FLT1: variants seen among roughly 807,000 people sequenced by gnomAD.
FLT1 encodes fms related receptor tyrosine kinase 1.
Under a neutral mutation model 156.3 loss-of-function variants are expected in FLT1, and 49 were observed. The observed-to-expected ratio is 0.31, with a 90% CI of 0.25 to 0.40. The LOEUF (loss-of-function observed/expected upper bound fraction) is 0.40, where lower values mean the gene tolerates loss of function less well. FLT1 is among the 10% of genes least tolerant of loss of function. The probability of loss-of-function intolerance (pLI) is 1.00; values close to 1 mark genes in which losing one functional copy is unlikely to be tolerated. For missense variants in FLT1, 1,322 were observed against 1,637.2 expected (o/e 0.81, Z 3.32); for synonymous variants, 594 against 583.8 (o/e 1.02, Z -0.25).
Position 28,312,693 on chromosome 13 carries a change from C to T in FLT1, c.3387-595G>A, listed in dbSNP as rs530931584. Among the ~76,000 whole-genome samples the T allele has an allele frequency of 7.2e-4, 110 of 152,230 alleles. 2 individuals are homozygous for T. The Middle Eastern group carries it at 0.034, about 47-fold the overall frequency. On this transcript the variant is annotated intron_variant, in intron 25 of 29. Coordinates refer to ENST00000282397, the MANE Select transcript of FLT1 (RefSeq NM_002019.4). ...GTGGAGACTGGTGGGGAAGGTCCTGCGTACATGACTTTGTCACTTCCAGAA... is the reference window on the plus strand; with the variant it reads ...GTGGAGACTGGTGGGGAAGGTCCTGTGTACATGACTTTGTCACTTCCAGAA...
In FLT1 at chr13:28,495,026, C is replaced by T. The variant is rs1881691287; in HGVS notation, c.-183G>A. ...CTCGCCGCCAGGCGCCCGCTGGCCG[C>T]TGCACCCGAGCCCCGGAGCCCGCTC... On this transcript the variant is annotated 5_prime_UTR_variant, in exon 1 of 30. Transcript: ENST00000282397. This position sits in a 1 kb window ranked among gnomAD's most constrained non-coding sequence, Gnocchi z 4.1. The T allele has an allele frequency of 8.0e-6, 4 of 501,490 alleles. No homozygotes were observed. Among genetic ancestry groups the T allele is most frequent in the African/African-American group, 2.0e-5 (1 of 49,052 alleles). 31.1% of individuals were successfully genotyped at this position (501,490 alleles called of 1,614,324 possible). A position where few individuals can be genotyped will look rare whatever the true frequency, so the allele number is the denominator to read the frequency against.
At chr13:28,431,817 T>C (rs967573798) in intron 6 of FLT1, among the ~76,000 whole-genome samples, 10 of 152,146 alleles carry the variant, frequency 6.6e-5, no homozygotes, top group Non-Finnish European at 1.3e-4. Flanking sequence ...TCTCACCAAA[T>C]CACCATGTGA....
chr13:28,344,007 G>GCCCCCCCCCCC (rs1555302045), intron 16 of FLT1, among the ~76,000 whole-genome samples: 3 of 146,170 alleles, frequency 2.1e-5, no homozygotes, highest in Non-Finnish European at 4.5e-5. Context: ...ATTCACTCTT[G>GCCCCCCCCCCC]CCCCCCACCA....
chr13:28,329,123 C>T (rs564124146), intron 19 of FLT1, among the ~76,000 whole-genome samples: 19 of 152,318 alleles, frequency 1.2e-4, no homozygotes, highest in African/African-American at 4.3e-4. Flanking sequence ...GAAAGGTCTG[C>T]GACAACATGC....
Position 28,300,532 on chromosome 13 carries a change from C to T in FLT1, c.*2635G>A, listed in dbSNP as rs1870468831. On this transcript the variant is annotated 3_prime_UTR_variant, in exon 30 of 30. Coordinates refer to ENST00000282397, the MANE Select transcript of FLT1 (RefSeq NM_002019.4). ...AAACACACATACACCCACACACACA[C>T]ACACACACACACACACACACACACA... 2 of 228,144 alleles carry T rather than the reference C, an allele frequency of 8.8e-6. No homozygotes were observed. Among genetic ancestry groups the T allele is most frequent in the Non-Finnish European group, 1.7e-5 (2 of 115,142 alleles). 14.1% of individuals were successfully genotyped at this position (228,144 alleles called of 1,614,324 possible). A position where few individuals can be genotyped will look rare whatever the true frequency, so the allele number is the denominator to read the frequency against.
chr13:28,399,009 A>G (rs749248112), intron 11 of FLT1: 5 of 1,441,094 alleles, frequency 3.5e-6, no homozygotes, highest in Middle Eastern at 1.7e-4. Context: ...CTGAATAGCC[A>G]TTTCCTTGTA....
At chr13:28,355,670 A>T (rs530604441) in intron 15 of FLT1, among the ~76,000 whole-genome samples, 1 of 152,212 alleles carries the variant, frequency 6.6e-6, no homozygotes, top group African/African-American at 2.4e-5. Flanking sequence ...ATGCACTAAC[A>T]TCACAAACAG....
chr13:28,334,631 C>T (rs1872049042), intron 17 of FLT1, among the ~76,000 whole-genome samples: 1 of 152,184 alleles, frequency 6.6e-6, no homozygotes, highest in Non-Finnish European at 1.5e-5. Context: ...AGTCATTTAT[C>T]CGACTTCCCT....
rs1362978037 is a variant in FLT1 at position 28,494,961 on chromosome 13, C to T, written c.-118G>A. On this transcript the variant is annotated 5_prime_UTR_variant, in exon 1 of 30. Coordinates refer to ENST00000282397, the MANE Select transcript of FLT1 (RefSeq NM_002019.4). Reference sequence around the variant, plus strand: ...GGCCCCGCGCCCTGAGCGCCCGTCTCGCGGCTCCAGCCAGGAGACAACCAC... The same window carrying T: ...GGCCCCGCGCCCTGAGCGCCCGTCTTGCGGCTCCAGCCAGGAGACAACCAC... The T allele has an allele frequency of 1.3e-6, 1 of 741,174 alleles. No individual in the cohort carries two copies. The highest frequency in any genetic ancestry group is 2.0e-6 in the Non-Finnish European group (1 of 495,504). The allele number at this position is 741,174 out of a possible 1,614,324, so 45.9% of individuals were successfully genotyped here.
intron 17 of FLT1, among the ~76,000 whole-genome samples, chr13:28,335,519 C>A (rs1186516698): frequency 6.6e-6 from 1 of 152,010 alleles, no homozygotes; most frequent in African/African-American, 2.4e-5. Flanking sequence ...ACTTTTATGC[C>A]CAACTACTCA....
rs1013945901 is a variant in FLT1, at chr13:28,481,901, T to C, written c.64+12879A>G. Among the ~76,000 whole-genome samples, 3 of 152,228 alleles carry C rather than the reference T, an allele frequency of 2.0e-5. No homozygotes were observed. The South Asian group carries it at 6.2e-4, about 31-fold the overall frequency. On this transcript the variant is annotated intron_variant, in intron 1 of 29. Transcript: ENST00000282397. ...TAAATTCACAAAATAAGAACACTTA[T>C]TCAATGATAAACATGTAACACAATG...
At chr13:28,435,668 T>TC (rs1877985476) in intron 4 of FLT1, among the ~76,000 whole-genome samples, 8 of 152,336 alleles carry the variant, frequency 5.3e-5, no homozygotes, top group Admixed American at 4.6e-4. Context: ...TGATCTGGAT[T>TC]TGTGATCCTA....
chr13:28,304,811 C>A (rs1356261928), intron 29 of FLT1, among the ~76,000 whole-genome samples: 1 of 152,158 alleles, frequency 6.6e-6, no homozygotes, highest in Non-Finnish European at 1.5e-5. Context: ...TGACTGGCTT[C>A]TTTTACTTAG....
intron 15 of FLT1, among the ~76,000 whole-genome samples, chr13:28,352,628 G>T (rs1267249101): frequency 6.6e-6 from 1 of 152,144 alleles, no homozygotes; most frequent in Non-Finnish European, 1.5e-5. Context: ...TGAAGTATAG[G>T]CATGTGTATC....
chr13:28,410,193 CCTT>C (rs2137502363), intron 10 of FLT1, among the ~76,000 whole-genome samples: 2 of 152,338 alleles, frequency 1.3e-5, no homozygotes, highest in South Asian at 4.1e-4. Flanking sequence ...ACTCCTCCTG[CCTT>C]CCTCTCCCCT....
Position 28,470,934 on chromosome 13 carries a change from G to T in FLT1, c.65-3317C>A, listed in dbSNP as rs181707866. Among the ~76,000 whole-genome samples the T allele has an allele frequency of 6.0e-3, 909 of 152,072 alleles. 10 individuals are homozygous for T. The highest frequency in any genetic ancestry group is 0.021 in the African/African-American group (867 of 41,470). ...TCAAACTCCTGACCTCAGGTGATCC[G>T]CCCACCTCGGCTTCCCAAAGTGCTA... On this transcript the variant is annotated intron_variant, in intron 1 of 29. Coordinates refer to ENST00000282397, the MANE Select transcript of FLT1 (RefSeq NM_002019.4).
chr13:28,460,034 G>T (rs370701090), intron 3 of FLT1, among the ~76,000 whole-genome samples: 2 of 152,236 alleles, frequency 1.3e-5, no homozygotes, highest in Admixed American at 6.5e-5. Flanking sequence ...GTCCCTGCTG[G>T]TTCCATGGAG....
rs956104964 is a variant in FLT1, at chr13:28,472,212, C to A, written c.65-4595G>T. Among the ~76,000 whole-genome samples the A allele has an allele frequency of 5.3e-5, 8 of 152,306 alleles. No individual in the cohort carries two copies. The South Asian group carries it at 8.3e-4, about 16-fold the overall frequency. On this transcript the variant is annotated intron_variant, in intron 1 of 29. Coordinates refer to ENST00000282397, the MANE Select transcript of FLT1 (RefSeq NM_002019.4). ...GTGTTCTAAAATGCCACCCCTAATT[C>A]CCCACCTTAGTTTCATTAGGCAAAA...
intron 18 of FLT1, 55 bp from the exon 19 acceptor site, chr13:28,329,783 C>G: frequency 1.4e-6 from 2 of 1,434,644 alleles, no homozygotes; most frequent in South Asian, 2.3e-5. Context: ...CTCCTTCCGC[C>G]GGAGGCGGCA....
Sources: allele counts gnomAD v4.1 joint callset (sites outside exome capture counted in the v4.1 genomes callset), GRCh38; gene constraint gnomAD v4.1.1; non-coding constraint Gnocchi (gnomAD v3.1); transcripts MANE v1.5; gene names NCBI Gene and HGNC (gene_info 2026-07-23, HGNC 2026-07-21).